Variants in CMIP observed in about 807,000 individuals in gnomAD.
The protein encoded by CMIP is c-Maf inducing protein.
A neutral mutation model predicts 97.3 loss-of-function variants in CMIP; 13 were observed. That is an observed-to-expected ratio of 0.13 (90% confidence interval 0.09 to 0.21). The LOEUF is 0.21. Among genes scored for constraint, CMIP ranks in the 10% least tolerant of loss-of-function variants. The pLI is 1.00. For missense variants in CMIP, 847 were observed against 1,024.9 expected (o/e 0.83, Z 2.37); for synonymous variants, 538 against 436.3 (o/e 1.23, Z -2.91).
chr16:81,484,948 A>T (rs2089292963), intron 1 of CMIP, among the ~76,000 whole-genome samples: 1 of 150,954 alleles, frequency 6.6e-6, no homozygotes, highest in Non-Finnish European at 1.5e-5. Flanking sequence ...TACCCCTGAA[A>T]ACCTCTTTTT....
intron 1 of CMIP, among the ~76,000 whole-genome samples, chr16:81,484,213 C>G (rs2089278268): frequency 6.6e-6 from 1 of 152,156 alleles, no homozygotes; most frequent in Non-Finnish European, 1.5e-5. Flanking sequence ...CGGACCTCGC[C>G]CGTTCCCATT....
chr16:81,691,485 A>G (rs1221479080), intron 10 of CMIP, among the ~76,000 whole-genome samples: 1 of 152,218 alleles, frequency 6.6e-6, no homozygotes, highest in Non-Finnish European at 1.5e-5. Context: ...GAGGGCATGA[A>G]CAATGATCAC....
chr16:81,476,307 A>G lies in CMIP; in HGVS notation c.300+30766A>G, dbSNP rs966690739. The G allele has an allele frequency of 1.5e-5, 23 of 1,550,650 alleles. 1 individual carries two copies. The South Asian group carries it at 1.9e-4, about 13-fold the overall frequency. On this transcript the variant is annotated intron_variant, in intron 1 of 20. Coordinates refer to ENST00000537098, the MANE Select transcript of CMIP (RefSeq NM_198390.3). The stretch of plus-strand genomic sequence containing the variant: ...CATAGATGGACTTGCCACCAGTGCC[A>G]TTACGGCGTGTGAAGTCACCACCCT...
intron 1 of CMIP, among the ~76,000 whole-genome samples, chr16:81,602,678 G>C (rs543502745): frequency 6.6e-6 from 1 of 152,202 alleles, no homozygotes; most frequent in South Asian, 2.1e-4. Context: ...CATACAGTAT[G>C]CCTTACACTG....
intron 1 of CMIP, among the ~76,000 whole-genome samples, chr16:81,492,560 C>T (rs1399077882): frequency 3.3e-5 from 5 of 151,948 alleles, no homozygotes; most frequent in African/African-American, 1.2e-4. Flanking sequence ...GTGTGCTGGC[C>T]GGCTGGGCCT....
intron 1 of CMIP, among the ~76,000 whole-genome samples, chr16:81,601,936 C>T (rs1165758987): frequency 9.2e-5 from 14 of 152,228 alleles, no homozygotes; most frequent in Admixed American, 9.2e-4. Context: ...TCTCCGGTTC[C>T]CTTTAATATC....
chr16:81,696,274 G>A, intron 13 of CMIP: 1 of 515,570 alleles, frequency 1.9e-6, no homozygotes, highest in South Asian at 2.1e-5. Flanking sequence ...TGCAGCCACA[G>A]GCCCGCTTCA....
chr16:81,566,017 G>A (rs995416585), intron 1 of CMIP, among the ~76,000 whole-genome samples: 2 of 152,160 alleles, frequency 1.3e-5, no homozygotes, highest in African/African-American at 2.4e-5. Flanking sequence ...TCGGGAGGCC[G>A]AGGCAAATAG....
rs564671172 is a variant in CMIP at position 81,645,267 on chromosome 16, G to A, written c.478-6936G>A. On this transcript the variant is annotated intron_variant, in intron 3 of 20. Transcript: ENST00000537098. ...GGTCCTCCCTGGCTCATATTTCCCT[G>A]TGGGGTCCTCCTCCACTCTGCAGTG... The A allele has an allele frequency of 7.4e-5, 58 of 781,196 alleles. 2 individuals carry two copies. The South Asian group carries it at 1.3e-3, about 17-fold the overall frequency. The allele number at this position is 781,196 out of a possible 1,614,324, so 48.4% of individuals were successfully genotyped here.
chr16:81,677,001 C>T (rs984309151), intron 9 of CMIP, among the ~76,000 whole-genome samples: 1 of 152,220 alleles, frequency 6.6e-6, no homozygotes, highest in African/African-American at 2.4e-5. Context: ...ACCTTGACCA[C>T]ACACGAGGAG....
chr16:81,639,462 T>G (rs888234695), intron 3 of CMIP, among the ~76,000 whole-genome samples: 3 of 152,152 alleles, frequency 2.0e-5, no homozygotes, highest in African/African-American at 7.2e-5. Context: ...TCTCTAAGAA[T>G]TTGTCTACTC....
At chr16:81,682,140 G>A (rs183135680) in intron 10 of CMIP, among the ~76,000 whole-genome samples, 84 of 152,226 alleles carry the variant, frequency 5.5e-4, no homozygotes, top group African/African-American at 2.0e-3. Context: ...GGGGGCGGAG[G>A]TTGCAGTGAT....
chr16:81,677,189 T>C (rs1178744027), intron 9 of CMIP, among the ~76,000 whole-genome samples: 3 of 152,052 alleles, frequency 2.0e-5, no homozygotes, highest in Non-Finnish European at 4.4e-5. Context: ...AAGGAAGACT[T>C]CCTGGAGGAG....
intron 1 of CMIP, among the ~76,000 whole-genome samples, chr16:81,455,023 T>G (rs1003606710): frequency 1.3e-5 from 2 of 152,146 alleles, no homozygotes; most frequent in African/African-American, 4.8e-5. Flanking sequence ...GCATAGGAAT[T>G]AAAGATAGAG....
chr16:81,647,619 C>T (rs1232175455), intron 3 of CMIP, among the ~76,000 whole-genome samples: 2 of 152,196 alleles, frequency 1.3e-5, no homozygotes, highest in East Asian at 3.9e-4. Context: ...CCTGGCAAAG[C>T]GCACTCAGCA....
chr16:81,551,154 C>T (rs1002697800), intron 1 of CMIP, among the ~76,000 whole-genome samples: 1 of 151,168 alleles, frequency 6.6e-6, no homozygotes. Context: ...CACACACACC[C>T]CAGTTCCATC....
At chr16:81,600,624 TCC>T (rs1165078402) in intron 1 of CMIP, among the ~76,000 whole-genome samples, 2 of 152,204 alleles carry the variant, frequency 1.3e-5, no homozygotes, top group East Asian at 3.8e-4. Flanking sequence ...GTATGGGGCT[TCC>T]TTTGGGAGTA....
chr16:81,485,421 C>T (rs2089299568), intron 1 of CMIP, among the ~76,000 whole-genome samples: 1 of 152,176 alleles, frequency 6.6e-6, no homozygotes, highest in Non-Finnish European at 1.5e-5. Context: ...GATAATACTG[C>T]AAGTGGTTCT....
chr16:81,449,296 C>G (rs1906060254), intron 1 of CMIP, among the ~76,000 whole-genome samples: 1 of 152,176 alleles, frequency 6.6e-6, no homozygotes, highest in Admixed American at 6.5e-5. Flanking sequence ...TAAATTTTCA[C>G]CACTCTGCTG....
Sources: allele counts gnomAD v4.1 joint callset (sites outside exome capture counted in the v4.1 genomes callset), GRCh38; gene constraint gnomAD v4.1.1; transcripts MANE v1.5; gene names NCBI Gene and HGNC (gene_info 2026-07-23, HGNC 2026-07-21).